TULP3: variants seen among roughly 807,000 people sequenced by gnomAD.
The protein encoded by TULP3 is tubby-related protein 3.
Under a neutral mutation model 50.7 loss-of-function variants are expected in TULP3, and 38 were observed. The observed-to-expected ratio is 0.75, with a 90% CI of 0.58 to 0.98. The LOEUF is 0.98. TULP3 is among the 50% of genes least tolerant of loss of function. The pLI is 0.00. For missense variants in TULP3, 550 were observed against 568.0 expected, an observed-to-expected ratio of 0.97 and a Z score of 0.32; for synonymous variants, 183 against 196.6, an observed-to-expected ratio of 0.93 and a Z score of 0.58.
At chr12:2,937,585 AT>A (rs747448895) in intron 8 of TULP3, 45 bp from the exon 9 acceptor site, 63 of 1,380,030 alleles carry the variant, frequency 4.6e-5, no homozygotes, top group Non-Finnish European at 6.3e-5. Flanking sequence ...TGTGGTCTCT[AT>A]TTTTTTCCTG....
rs71057862 is a variant in TULP3, at chr12:2,914,125, C to CT, written c.93+4561dup. ...ATTTTGAAATATACAATAAATAATTCTTTTTTTTTTTTTTTTGAGACGGAG... is the reference window on the plus strand; with the variant it reads ...ATTTTGAAATATACAATAAATAATTCTTTTTTTTTTTTTTTTTGAGACGGAG... On this transcript the variant is annotated intron_variant, in intron 2 of 10. Transcript: ENST00000448120. Among the ~76,000 whole-genome samples, 674 of 130,630 alleles carry CT rather than the reference C, an allele frequency of 5.2e-3. 16 individuals are homozygous for CT. The highest frequency in any genetic ancestry group is 0.012 in the African/African-American group (400 of 34,010). The allele number at this position is 130,630 out of a possible 152,430, so 85.7% of individuals were successfully genotyped here.
Position 2,912,702 on chromosome 12 carries a change from C to G in TULP3, c.93+3122C>G. Among the ~76,000 whole-genome samples the G allele has an allele frequency of 2.0e-5, 3 of 152,176 alleles. No homozygotes were observed. In the South Asian group the frequency reaches 6.2e-4, roughly 32 times the overall value. ...GAATCACTTTCTAGTGAACTGTGTT[C>G]GAGAATTAGCTGGTCATTACATTCC... On this transcript the variant is annotated intron_variant, in intron 2 of 10. Coordinates refer to ENST00000448120, the MANE Select transcript of TULP3 (RefSeq NM_003324.5).
chr12:2,900,755 C>T (rs927372406), intron 1 of TULP3, among the ~76,000 whole-genome samples: 4 of 150,830 alleles, frequency 2.7e-5, no homozygotes, highest in Non-Finnish European at 4.4e-5. Flanking sequence ...GTGTCTTGCT[C>T]TCTCACCCTG....
At position 2,939,487 on chromosome 12, in the gene TULP3, A is replaced by G. The variant is rs1313282154; in HGVS notation, c.*43A>G. Reference sequence around the variant, plus strand: ...GAGCCCTTCTCCCCACAGAGCTTTCAGGAGCAGACAGTGGCCTCCCCTTCC... The same window carrying G: ...GAGCCCTTCTCCCCACAGAGCTTTCGGGAGCAGACAGTGGCCTCCCCTTCC... On this transcript the variant is annotated 3_prime_UTR_variant, in exon 11 of 11. Coordinates refer to ENST00000448120, the MANE Select transcript of TULP3 (RefSeq NM_003324.5). This position sits in a 1 kb window ranked among gnomAD's most constrained non-coding sequence, Gnocchi z 4.0. The G allele has an allele frequency of 6.2e-6, 10 of 1,608,506 alleles. No homozygotes were observed. Among genetic ancestry groups the G allele is most frequent in the African/African-American group, 5.3e-5 (4 of 74,858 alleles).
chr12:2,929,281 C>T (rs960783401), intron 4 of TULP3, among the ~76,000 whole-genome samples: 13 of 151,876 alleles, frequency 8.6e-5, no homozygotes, highest in African/African-American at 2.4e-5. Flanking sequence ...CGCGCCACTG[C>T]GCTCCAGCCT....
intron 1 of TULP3, among the ~76,000 whole-genome samples, chr12:2,897,054 G>A (rs2098175963): frequency 6.6e-6 from 1 of 152,102 alleles, no homozygotes; most frequent in Non-Finnish European, 1.5e-5. Flanking sequence ...TGTCGCCTAG[G>A]CTGGAGTGCA....
chr12:2,907,924 T>C (rs543020594), intron 1 of TULP3, among the ~76,000 whole-genome samples: 1 of 152,256 alleles, frequency 6.6e-6, no homozygotes, highest in Non-Finnish European at 1.5e-5. Context: ...AAAAGAGATT[T>C]ATTGAGCACC....
intron 1 of TULP3, among the ~76,000 whole-genome samples, 180 bp downstream of exon 1, chr12:2,891,168 C>G (rs1284220115): frequency 1.3e-5 from 2 of 152,174 alleles, no homozygotes; most frequent in Non-Finnish European, 1.5e-5. Flanking sequence ...GTGGGGACCC[C>G]TTTCTCAAGT....
rs756767944 is a variant in TULP3, at chr12:2,938,151, C to T, written c.1061C>T (p.Thr354Ile). ...DSLLSRWQNR[T>I]MENLVELHNK... is the part of the protein sequence containing the mutation. ...TTGCTCTCAAGGTGGCAGAACAGAA[C>T]TATGGAAAATCTGGTTGAGCTGCAC... The change falls in exon 10 of 11, where the codon ACT becomes ATT. Residue 354 changes from threonine to isoleucine, a missense_variant. Coordinates refer to ENST00000448120, the MANE Select transcript of TULP3 (RefSeq NM_003324.5). 1.7e-5 allele frequency: 27 copies of T among 1,614,076 alleles called. No homozygotes were observed. The East Asian group carries it at 5.8e-4, about 35-fold the overall frequency.
chr12:2,937,673 G>A lies in TULP3; in HGVS notation c.967G>A (p.Val323Met). Residue 323 changes from valine (V) to methionine (M), a missense_variant, in exon 9 of 11, where the codon GTG (valine) becomes ATG (methionine). Physicochemically the swap from Val to Met is conservative, Grantham distance 21. Transcript: ENST00000448120. ...LGFKGPRKMSVIIPGMTLNHK... is the reference protein window; with the variant it reads ...LGFKGPRKMSMIIPGMTLNHK... ...ATTTAAAGGTCCTAGGAAAATGTCTGTGATCATTCCTGGAATGACACTGAA... is the reference window on the plus strand; with the variant it reads ...ATTTAAAGGTCCTAGGAAAATGTCTATGATCATTCCTGGAATGACACTGAA... The A allele has an allele frequency of 1.2e-6, 2 of 1,613,198 alleles. No homozygotes were observed. The highest frequency in any genetic ancestry group is 1.3e-5 in the African/African-American group (1 of 74,966).
rs368203383 is a variant in TULP3, at chr12:2,922,388, G to A, written c.380G>A (p.Arg127His). 27 of 1,612,646 alleles carry A rather than the reference G, an allele frequency of 1.7e-5. No individual in the cohort carries two copies. The highest frequency in any genetic ancestry group is 1.1e-4 in the African/African-American group (8 of 74,818). Residue 127 changes from arginine (R) to histidine (H), a missense_variant, in exon 4 of 11, where the codon CGT becomes CAT. By Grantham distance (29) the Arg-to-His change is conservative. Transcript: ENST00000448120. ...GCTTCCAAGCCAGGACTTCAGGAGC[G>A]TCTCCAAAAGCATGGTGAGGACTGG... The part of the protein sequence containing the change: ...DTASKPGLQE[R>H]LQKHDISESV...
At chr12:2,911,302 CTTT>C (rs2098185323) in intron 2 of TULP3, among the ~76,000 whole-genome samples, 1 of 151,684 alleles carries the variant, frequency 6.6e-6, no homozygotes, top group African/African-American at 2.4e-5. Context: ...TGGCTCAGTT[CTTT>C]ATCAGTGGCT....
At position 2,939,450 on chromosome 12, in the gene TULP3, C is replaced by T. The variant is rs773160308; in HGVS notation, c.*6C>T. ...GTAAGCTGGCGTGTGAATGAGAGAA[C>T]AGTCAGGCAGGGAGCCCTTCTCCCC... is the stretch of plus-strand genomic sequence containing the variant. On this transcript the variant is annotated 3_prime_UTR_variant, in exon 11 of 11. Coordinates refer to ENST00000448120, the MANE Select transcript of TULP3 (RefSeq NM_003324.5). The surrounding 1 kb of genome is among the most constrained non-coding windows in gnomAD (Gnocchi z 4.0). The T allele has an allele frequency of 1.2e-6, 2 of 1,613,962 alleles. No individual in the cohort carries two copies. The highest frequency in any genetic ancestry group is 1.1e-5 in the South Asian group (1 of 91,046).
chr12:2,912,145 A>C (rs1451771356), intron 2 of TULP3, among the ~76,000 whole-genome samples: 1 of 152,232 alleles, frequency 6.6e-6, no homozygotes, highest in East Asian at 1.9e-4. Flanking sequence ...GCTGGGAATC[A>C]GAAGGCTTTG....
chr12:2,925,226 T>C (rs963660421), intron 4 of TULP3, among the ~76,000 whole-genome samples: 1 of 151,134 alleles, frequency 6.6e-6, no homozygotes, highest in Non-Finnish European at 1.5e-5. Context: ...AACAATGATA[T>C]GATCACAGTT....
chr12:2,913,211 GTGTGTGTGTGTA>G (rs1361163624), intron 2 of TULP3, among the ~76,000 whole-genome samples: 4 of 149,656 alleles, frequency 2.7e-5, no homozygotes, highest in Admixed American at 6.7e-5. Flanking sequence ...TTGTGTGTGT[GTGTGTGTGTGTA>G]TGTGTGTGTG....
chr12:2,894,307 GGGGA>G (rs1223390762), intron 1 of TULP3, among the ~76,000 whole-genome samples: 15 of 141,524 alleles, frequency 1.1e-4, no homozygotes, highest in South Asian at 4.8e-4. Flanking sequence ...GGGCGGGGGG[GGGGA>G]AATCACCTGA....
intron 1 of TULP3, among the ~76,000 whole-genome samples, chr12:2,906,670 C>A (rs1006724235): frequency 6.6e-6 from 1 of 151,144 alleles, no homozygotes; most frequent in Admixed American, 6.6e-5. Context: ...AATCTCAGCA[C>A]TTTTGGAGGC....
At chr12:2,929,264 T>A (rs1297599398) in intron 4 of TULP3, among the ~76,000 whole-genome samples, 1 of 148,988 alleles carries the variant, frequency 6.7e-6, no homozygotes, top group Admixed American at 6.7e-5. Context: ...TTGCAGTGAG[T>A]CGAGATCGCG....
Sources: allele counts gnomAD v4.1 joint callset (sites outside exome capture counted in the v4.1 genomes callset), GRCh38; gene constraint gnomAD v4.1.1; non-coding constraint Gnocchi (gnomAD v3.1); transcripts MANE v1.5; gene names NCBI Gene and HGNC (gene_info 2026-07-23, HGNC 2026-07-21).